Variants in AKAP13 observed in about 807,000 individuals in gnomAD.
The protein encoded by AKAP13 is A-kinase anchoring protein 13, also known as A-kinase anchor protein 13.
AKAP13 carries 80 observed loss-of-function variants against 264.5 expected under a neutral mutation model. That is an observed-to-expected ratio of 0.30 (90% CI 0.25 to 0.36). AKAP13 has a LOEUF of 0.36. Among genes scored for constraint, AKAP13 ranks in the 10% least tolerant of loss-of-function variants. The pLI is 1.00. For missense variants in AKAP13, 3,712 were observed against 3,435.2 expected (o/e 1.08, Z -2.01); for synonymous variants, 1,380 against 1,250.2 (o/e 1.10, Z -2.19).
chr15:85,525,034 A>C (rs1050533541), intron 3 of AKAP13, among the ~76,000 whole-genome samples: 7 of 148,870 alleles, frequency 4.7e-5, no homozygotes, highest in African/African-American at 1.7e-4. Flanking sequence ...GGAGACTTTG[A>C]CTTTCTATTT....
intron 1 of AKAP13, among the ~76,000 whole-genome samples, chr15:85,411,839 A>G (rs1291414585): frequency 6.6e-6 from 1 of 152,196 alleles, no homozygotes; most frequent in Non-Finnish European, 1.5e-5. Flanking sequence ...ACCTTCTTGA[A>G]AATAAAGCAA....
intron 16 of AKAP13, among the ~76,000 whole-genome samples, chr15:85,685,625 G>C (rs1295613088): frequency 6.6e-6 from 1 of 151,956 alleles, no homozygotes; most frequent in African/African-American, 2.4e-5. Flanking sequence ...CGAGTAGCCA[G>C]GGCTACAGTC....
intron 1 of AKAP13, among the ~76,000 whole-genome samples, chr15:85,452,494 G>A (rs1176834509): frequency 6.6e-6 from 1 of 152,154 alleles, no homozygotes; most frequent in Non-Finnish European, 1.5e-5. Context: ...TCGTCAGTGT[G>A]TGTGGGTATT....
intron 33 of AKAP13, among the ~76,000 whole-genome samples, chr15:85,736,697 G>A (rs11635956): frequency 0.19 from 29,364 of 151,952 alleles, 3,767 homozygotes; most frequent in Middle Eastern, 0.43. Flanking sequence ...CTTATCCAGC[G>A]CTTCTTGCTT....
At chr15:85,533,086 A>T (rs139856044) in intron 3 of AKAP13, among the ~76,000 whole-genome samples, 1 of 152,228 alleles carries the variant, frequency 6.6e-6, no homozygotes, top group Non-Finnish European at 1.5e-5. Context: ...GTGCTTCATC[A>T]TGTGAGCCTT....
At position 85,736,357 on chromosome 15, in the gene AKAP13, C is replaced by G. The variant is rs575241391; in HGVS notation, c.7557+223C>G. On this transcript the variant is annotated intron_variant, in intron 33 of 36. Coordinates refer to ENST00000394518, the MANE Select transcript of AKAP13 (RefSeq NM_007200.5). ...GGAATTTTGCCAGTTAGAGAATTGC[C>G]TGCTAAGATGGCCTTTGATTCGTTT... is the stretch of plus-strand genomic sequence containing the variant. Among the ~76,000 whole-genome samples, 34 of 152,254 alleles carry G rather than the reference C, an allele frequency of 2.2e-4. 1 individual carries two copies. Among genetic ancestry groups the G allele is most frequent in the East Asian group, 1.7e-3 (9 of 5,188 alleles).
At chr15:85,600,339 G>T (rs958507904) in intron 8 of AKAP13, among the ~76,000 whole-genome samples, 4 of 146,660 alleles carry the variant, frequency 2.7e-5, no homozygotes, top group African/African-American at 1.0e-4. Flanking sequence ...AAAAAAAAAG[G>T]CTAGCTTACT....
intron 9 of AKAP13, among the ~76,000 whole-genome samples, chr15:85,641,992 A>G (rs1484769364): frequency 2.0e-5 from 3 of 152,188 alleles, no homozygotes; most frequent in African/African-American, 7.2e-5. Context: ...AGTTTGTATT[A>G]TGTTAGCTTC....
rs36154598 is a variant in AKAP13 at position 85,466,338 on chromosome 15, A to G, written c.-11-19372A>G. Reference sequence around the variant, plus strand: ...CTCTGATGGTAGTTTCTTTTGCTGTACAGAAGCTCTTTAGTTTAATTAGAT... The same window carrying G: ...CTCTGATGGTAGTTTCTTTTGCTGTGCAGAAGCTCTTTAGTTTAATTAGAT... On this transcript the variant is annotated intron_variant, in intron 1 of 36. Coordinates refer to ENST00000394518, the MANE Select transcript of AKAP13 (RefSeq NM_007200.5). Among the ~76,000 whole-genome samples the G allele has an allele frequency of 7.4e-3, 1,121 of 152,052 alleles. 12 individuals carry two copies. Among genetic ancestry groups the G allele is most frequent in the Middle Eastern group, 0.02 (6 of 294 alleles).
At chr15:85,542,115 T>C (rs926827224) in intron 4 of AKAP13, among the ~76,000 whole-genome samples, 1 of 152,254 alleles carries the variant, frequency 6.6e-6, no homozygotes, top group Non-Finnish European at 1.5e-5. Flanking sequence ...TCAGAACAAC[T>C]GTAAGGCAAA....
chr15:85,479,570 A>T (rs913875567), intron 1 of AKAP13, among the ~76,000 whole-genome samples: 1 of 152,148 alleles, frequency 6.6e-6, no homozygotes, highest in Non-Finnish European at 1.5e-5. Context: ...TGTAGGGGTG[A>T]TCTGCCCCCT....
intron 12 of AKAP13, among the ~76,000 whole-genome samples, chr15:85,659,726 A>G (rs1055292206): frequency 9.0e-6 from 1 of 110,952 alleles, no homozygotes; most frequent in Non-Finnish European, 2.3e-5. Context: ...GAGTTAGTGT[A>G]TACATGGAGT....
chr15:85,471,841 A>G (rs1378507530), intron 1 of AKAP13, among the ~76,000 whole-genome samples: 1 of 152,158 alleles, frequency 6.6e-6, no homozygotes, highest in African/African-American at 2.4e-5. Context: ...ATTTTAAGTC[A>G]TTTGCATTTC....
intron 13 of AKAP13, 23 bp from the exon 14 acceptor site, chr15:85,669,699 T>C (rs2083811454): frequency 6.6e-7 from 1 of 1,518,606 alleles, no homozygotes. Flanking sequence ...TTACAACGTG[T>C]TCTTCACTTT....
intron 8 of AKAP13, among the ~76,000 whole-genome samples, chr15:85,603,473 G>A (rs902185915): frequency 2.6e-5 from 4 of 152,232 alleles, no homozygotes; most frequent in Admixed American, 2.6e-4. Flanking sequence ...GTCTCCTCAA[G>A]GTTTTGCAGA....
At chr15:85,619,480 G>T in intron 8 of AKAP13, 1 of 985,332 alleles carries the variant, frequency 1.0e-6, no homozygotes, top group Non-Finnish European at 1.2e-6. Context: ...AGATTCCAAA[G>T]ACTTTACTTT....
At chr15:85,575,520 T>C (rs764641298) in intron 6 of AKAP13, among the ~76,000 whole-genome samples, 191 bp downstream of exon 6, 7 of 152,024 alleles carry the variant, frequency 4.6e-5, no homozygotes, top group Non-Finnish European at 7.4e-5. Context: ...GGTGAAACCC[T>C]GTCTCTACTA....
At chr15:85,555,343 T>G (rs1596513568) in intron 5 of AKAP13, 1 of 978,162 alleles carries the variant, frequency 1.0e-6, no homozygotes, top group East Asian at 6.0e-5. Flanking sequence ...AACTAGATGC[T>G]GCAGTTCCTT....
intron 8 of AKAP13, among the ~76,000 whole-genome samples, chr15:85,611,091 A>G (rs898760018): frequency 3.3e-5 from 5 of 152,102 alleles, no homozygotes; most frequent in East Asian, 1.9e-4. Context: ...ACCAAGATCT[A>G]TGAAATATTT....
Sources: gnomAD v4.1 joint callset for allele counts (sites outside exome capture counted in the v4.1 genomes callset) on GRCh38, gnomAD v4.1.1 for gene constraint, MANE v1.5 for transcripts, NCBI Gene and HGNC (gene_info 2026-07-23, HGNC 2026-07-21) for gene names.